Variants in GALNT7 observed in about 807,000 individuals in gnomAD.
GALNT7 encodes the protein polypeptide N-acetylgalactosaminyltransferase 7.
In GALNT7, 60 loss-of-function variants were observed where a neutral mutation model predicts 82.1. That is an observed-to-expected ratio of 0.73 (90% CI 0.59 to 0.91). The LOEUF (loss-of-function observed/expected upper bound fraction) is 0.91. Among genes scored for constraint, GALNT7 ranks in the 40% least tolerant of loss-of-function variants. The pLI, the probability that GALNT7 is intolerant of heterozygous loss-of-function variation, is 0.00. For missense variants in GALNT7, 660 were observed against 804.2 expected (o/e 0.82, Z 2.17); for synonymous variants, 243 against 275.1 (o/e 0.88, Z 1.15).
intron 8 of GALNT7, among the ~76,000 whole-genome samples, chr4:173,305,261 C>A (rs183485541): frequency 1.3e-5 from 2 of 152,228 alleles, no homozygotes; most frequent in South Asian, 2.1e-4. Context: ...CTATTCAGGT[C>A]CTTTGCCCAA....
intron 1 of GALNT7, chr4:173,169,169 C>A: frequency 4.6e-6 from 1 of 219,176 alleles, no homozygotes; most frequent in Non-Finnish European, 8.8e-6. Flanking sequence ...CCCTCGCCGC[C>A]CCTTCCTCCG....
At chr4:173,245,281 CT>C in intron 1 of GALNT7, among the ~76,000 whole-genome samples, 1 of 149,986 alleles carries the variant, frequency 6.7e-6, no homozygotes, top group Non-Finnish European at 1.5e-5. Flanking sequence ...ATTAAAATTT[CT>C]GTCATTGAAA....
chr4:173,299,196 T>C (rs1394388807), intron 6 of GALNT7, among the ~76,000 whole-genome samples: 1 of 152,190 alleles, frequency 6.6e-6, no homozygotes, highest in Non-Finnish European at 1.5e-5. Context: ...CGCTGTGGGA[T>C]TTGGGCATGT....
chr4:173,206,508 T>C (rs1210481417), intron 1 of GALNT7, among the ~76,000 whole-genome samples: 1 of 152,224 alleles, frequency 6.6e-6, no homozygotes, highest in Non-Finnish European at 1.5e-5. Flanking sequence ...GAAACTAAAG[T>C]TCAGCAAACT....
intron 9 of GALNT7, among the ~76,000 whole-genome samples, chr4:173,314,727 C>G (rs150519362): frequency 6.6e-6 from 1 of 152,186 alleles, no homozygotes; most frequent in African/African-American, 2.4e-5. Context: ...TAAAATCAGA[C>G]AAAAGCACTT....
chr4:173,180,091 T>C (rs1397510263), intron 1 of GALNT7, among the ~76,000 whole-genome samples: 2 of 152,126 alleles, frequency 1.3e-5, no homozygotes, highest in Non-Finnish European at 2.9e-5. Flanking sequence ...TATTTAGAAA[T>C]GGAAAATGTG....
At chr4:173,175,753 G>A (rs1348518348) in intron 1 of GALNT7, among the ~76,000 whole-genome samples, 2 of 152,122 alleles carry the variant, frequency 1.3e-5, no homozygotes, top group Non-Finnish European at 2.9e-5. Flanking sequence ...CTTGTAAGTC[G>A]AGGAACATCT....
intron 1 of GALNT7, among the ~76,000 whole-genome samples, chr4:173,188,111 T>G (rs1332861296): frequency 1.3e-5 from 2 of 152,346 alleles, no homozygotes; most frequent in Non-Finnish European, 2.9e-5. Context: ...AATTCTAGTC[T>G]GAAAATTGAG....
chr4:173,303,873 T>C, intron 7 of GALNT7, 123 bp from the exon 8 acceptor site: 1 of 821,662 alleles, frequency 1.2e-6, no homozygotes, highest in South Asian at 1.8e-5. Flanking sequence ...TTGTTTAGTT[T>C]AAGAATTCTG....
At chr4:173,244,918 A>C (rs1734568119) in intron 1 of GALNT7, among the ~76,000 whole-genome samples, 1 of 152,186 alleles carries the variant, frequency 6.6e-6, no homozygotes, top group Non-Finnish European at 1.5e-5. Context: ...GTAAGGAGAC[A>C]GTCAGTGAAA....
chr4:173,266,868 GGTGTGTGTGTGTGTGTGTGTGTGTGT>G (rs71596614), intron 2 of GALNT7, among the ~76,000 whole-genome samples: 6 of 95,128 alleles, frequency 6.3e-5, no homozygotes, highest in South Asian at 4.5e-4. Flanking sequence ...GGCTGGGAAG[GGTGTGTGTGTGTGTGTGTGTGTGTGT>G]GTGTGTGTGT....
chr4:173,216,728 T>TATATATATATATATATA (rs374031950), intron 1 of GALNT7, among the ~76,000 whole-genome samples: 3 of 8,054 alleles, frequency 3.7e-4, no homozygotes, highest in Admixed American at 1.4e-3. Context: ...TATATATATA[T>TATATATATATATATATA]TTTTTTTTTT....
chr4:173,275,340 A>G (rs932682617), intron 2 of GALNT7, among the ~76,000 whole-genome samples: 7 of 152,222 alleles, frequency 4.6e-5, no homozygotes, highest in Non-Finnish European at 4.4e-5. Context: ...TTTGAGGATC[A>G]CTGGCAGCCG....
intron 1 of GALNT7, among the ~76,000 whole-genome samples, chr4:173,239,516 T>C (rs1282036241): frequency 6.6e-6 from 1 of 152,146 alleles, no homozygotes; most frequent in Non-Finnish European, 1.5e-5. Flanking sequence ...ATGTTAGAAA[T>C]ATTCACACGT....
chr4:173,216,723 A>ATG (rs1561157857), intron 1 of GALNT7, among the ~76,000 whole-genome samples: 1 of 8,464 alleles, frequency 1.2e-4, no homozygotes, highest in Non-Finnish European at 8.0e-4. Context: ...ATATATATAT[A>ATG]TATATTTTTT....
chr4:173,183,627 G>T (rs1198896195), intron 1 of GALNT7, among the ~76,000 whole-genome samples: 2 of 152,006 alleles, frequency 1.3e-5, no homozygotes, highest in African/African-American at 2.4e-5. Flanking sequence ...CGACAAAACC[G>T]CCATCGTCAT....
In GALNT7 at chr4:173,249,755, A is replaced by G. The variant is rs1454216519; in HGVS notation, c.587+1315A>G. ...TTAAATTGGATTTCCCTGAAATCCA[A>G]TTTTAACTCGGTGTTCTGTGTTTTA... On this transcript the variant is annotated intron_variant, in intron 2 of 11. Coordinates refer to ENST00000265000, the MANE Select transcript of GALNT7 (RefSeq NM_017423.3). Among the ~76,000 whole-genome samples the G allele has an allele frequency of 3.3e-5, 5 of 152,296 alleles. No homozygotes were observed. In the East Asian group the frequency reaches 7.7e-4, roughly 24 times the overall value.
intron 2 of GALNT7, among the ~76,000 whole-genome samples, chr4:173,290,714 ATAAG>A (rs1378499658): frequency 3.9e-5 from 6 of 152,258 alleles, no homozygotes; most frequent in Admixed American, 3.9e-4. Context: ...GACAAAGAAT[ATAAG>A]TAAGAAAAAC....
chr4:173,176,975 C>T (rs73870532), intron 1 of GALNT7, among the ~76,000 whole-genome samples: 1 of 152,088 alleles, frequency 6.6e-6, no homozygotes, highest in Non-Finnish European at 1.5e-5. Flanking sequence ...AAACTGAATA[C>T]AGAGGAAGAG....
Sources: gnomAD v4.1 joint callset for allele counts (sites outside exome capture counted in the v4.1 genomes callset) on GRCh38, gnomAD v4.1.1 for gene constraint, MANE v1.5 for transcripts, NCBI Gene and HGNC (gene_info 2026-07-23, HGNC 2026-07-21) for gene names.